The following NOS1 variants were observed in gnomAD, a reference collection of about 807,000 sequenced individuals.
NOS1 encodes the protein nitric oxide synthase 1.
A neutral mutation model predicts 164.5 loss-of-function variants in NOS1; 51 were observed. That is an observed-to-expected ratio of 0.31 (90% confidence interval 0.25 to 0.39). The LOEUF is 0.39. Ranked by LOEUF, NOS1 falls within the 10% of genes least tolerant of loss-of-function variation. NOS1 has a pLI of 1.00. For missense variants in NOS1, 1,362 were observed against 1,885.6 expected (o/e 0.72, Z 5.14); for synonymous variants, 719 against 745.8 (o/e 0.96, Z 0.59).
chr12:117,285,154 T>C (rs1874013778), intron 7 of NOS1, 87 bp downstream of exon 7: 9 of 707,610 alleles, frequency 1.3e-5, no homozygotes, highest in Non-Finnish European at 2.1e-5. Flanking sequence ...TGCATTTCCC[T>C]GGCAGGTGAG....
At position 117,330,356 on chromosome 12, in the gene NOS1, G is replaced by T; in HGVS notation, c.714C>A (p.Ile238=). 3 of 1,611,202 alleles carry T rather than the reference G, an allele frequency of 1.9e-6. No homozygotes were observed. Among genetic ancestry groups the T allele is most frequent in the Non-Finnish European group, 2.5e-6 (3 of 1,178,504 alleles). The change falls in exon 2 of 29, where the codon ATC becomes ATA. Residue 238 remains isoleucine (I), a synonymous_variant. Transcript: ENST00000317775. This position sits in a 1 kb window ranked among gnomAD's most constrained non-coding sequence, Gnocchi z 4.6. ...PAKAEMKDMG[I]QVDRDLDGKS... is the part of the protein sequence containing the mutation. ...CCTGTGGAGCTTACCTGTCCACCTGGATTCCCATATCTTTCATCTCTGCCT... is the reference window on the plus strand; with the variant it reads ...CCTGTGGAGCTTACCTGTCCACCTGTATTCCCATATCTTTCATCTCTGCCT...
chr12:117,342,031 G>A (rs561254340), intron 1 of NOS1, among the ~76,000 whole-genome samples: 16 of 152,114 alleles, frequency 1.1e-4, no homozygotes, highest in East Asian at 9.7e-4. Context: ...TATTATCAGC[G>A]GTCTCGGAAA....
At chr12:117,350,880 G>A (rs923843734) in intron 1 of NOS1, among the ~76,000 whole-genome samples, 17 of 152,176 alleles carry the variant, frequency 1.1e-4, no homozygotes, top group Non-Finnish European at 2.1e-4. Context: ...TTGGGAGGCC[G>A]AGGCGGGCGG....
chr12:117,334,581 G>T lies in NOS1; in HGVS notation c.-420-3092C>A, dbSNP rs183675435. ...TGGCTAATTTTGTATTTTTAGTAGAGATAGGGTTTTGCCATGTTGGACAGG... is the reference window on the plus strand; with the variant it reads ...TGGCTAATTTTGTATTTTTAGTAGATATAGGGTTTTGCCATGTTGGACAGG... On this transcript the variant is annotated intron_variant, in intron 1 of 28. Coordinates refer to ENST00000317775, the MANE Select transcript of NOS1 (RefSeq NM_000620.5). Among the ~76,000 whole-genome samples, 7 of 152,080 alleles carry T rather than the reference G, an allele frequency of 4.6e-5. No individual in the cohort carries two copies. The South Asian group carries it at 1.5e-3, about 32-fold the overall frequency.
intron 6 of NOS1, 46 bp downstream of exon 6, chr12:117,286,058 T>A (rs775707850): frequency 1.2e-6 from 2 of 1,604,654 alleles, no homozygotes; most frequent in Admixed American, 3.3e-5. Flanking sequence ...CCTTCCCCTC[T>A]TCCCTCATTT....
chr12:117,346,443 C>T (rs1876353230), intron 1 of NOS1, among the ~76,000 whole-genome samples: 1 of 152,168 alleles, frequency 6.6e-6, no homozygotes, highest in African/African-American at 2.4e-5. Context: ...TGCACTCCAG[C>T]CTGGACCACA....
At chr12:117,237,473 T>C (rs934003345) in intron 20 of NOS1, among the ~76,000 whole-genome samples, 2 of 151,934 alleles carry the variant, frequency 1.3e-5, no homozygotes, top group African/African-American at 4.8e-5. Flanking sequence ...ATATGGGCCA[T>C]ATGAGAAGTA....
chr12:117,299,232 G>C (rs1454968278), intron 3 of NOS1, among the ~76,000 whole-genome samples: 1 of 152,220 alleles, frequency 6.6e-6, no homozygotes, highest in Non-Finnish European at 1.5e-5. Context: ...TTAAAAAATT[G>C]CTATGTATAG....
chr12:117,339,749 T>C (rs553863463), intron 1 of NOS1, among the ~76,000 whole-genome samples: 1 of 152,334 alleles, frequency 6.6e-6, no homozygotes, highest in South Asian at 2.1e-4. Context: ...GGAATGCTCT[T>C]AAAGATACAG....
At chr12:117,240,922 A>G (rs1245142364) in intron 20 of NOS1, among the ~76,000 whole-genome samples, 5 of 151,046 alleles carry the variant, frequency 3.3e-5, no homozygotes, top group Non-Finnish European at 5.9e-5. Flanking sequence ...CTCTCCTTGT[A>G]TAAGTAATTT....
At chr12:117,284,694 T>C (rs1367717588) in intron 7 of NOS1, among the ~76,000 whole-genome samples, 3 of 152,090 alleles carry the variant, frequency 2.0e-5, no homozygotes, top group African/African-American at 4.8e-5. Flanking sequence ...TGCTGTAGTT[T>C]TGCAAACCAC....
At chr12:117,257,607 CTTTTTTTTTTTTT>C (rs151304592) in intron 16 of NOS1, among the ~76,000 whole-genome samples, 1 of 99,122 alleles carries the variant, frequency 1.0e-5, no homozygotes, top group Non-Finnish European at 1.9e-5. Context: ...TTGATTTTAG[CTTTTTTTTTTTTT>C]TTTTTTTTTT....
intron 1 of NOS1, among the ~76,000 whole-genome samples, chr12:117,335,516 C>A (rs1247871827): frequency 6.6e-6 from 1 of 152,080 alleles, no homozygotes; most frequent in East Asian, 1.9e-4. Context: ...GGGATGGCTG[C>A]CAATGAGAGG....
At chr12:117,244,046 C>G (rs1208157929) in intron 18 of NOS1, among the ~76,000 whole-genome samples, 1 of 152,214 alleles carries the variant, frequency 6.6e-6, no homozygotes, top group African/African-American at 2.4e-5. Context: ...ATTCCTAAAA[C>G]TGATGTGTGT....
intron 2 of NOS1, among the ~76,000 whole-genome samples, chr12:117,318,862 C>G (rs1234298445): frequency 6.6e-6 from 1 of 152,198 alleles, no homozygotes; most frequent in East Asian, 1.9e-4. Flanking sequence ...CTCTCTCTGA[C>G]TCCTGCTTCT....
At chr12:117,302,007 A>C in intron 3 of NOS1, 1 of 456,740 alleles carries the variant, frequency 2.2e-6, no homozygotes, top group Non-Finnish European at 4.4e-6. Context: ...TCCCATCTCC[A>C]ACACTTACTG....
chr12:117,351,968 C>T (rs1468191180), intron 1 of NOS1, among the ~76,000 whole-genome samples: 1 of 152,090 alleles, frequency 6.6e-6, no homozygotes, highest in African/African-American at 2.4e-5. Flanking sequence ...AATGCTTGAG[C>T]CCAGGAACTT....
intron 20 of NOS1, among the ~76,000 whole-genome samples, chr12:117,239,979 G>A (rs1360850902): frequency 2.6e-5 from 4 of 151,988 alleles, no homozygotes; most frequent in African/African-American, 9.7e-5. Context: ...GGGGGTGGGG[G>A]CTGATTTTGG....
At chr12:117,334,727 A>T (rs1006010740) in intron 1 of NOS1, among the ~76,000 whole-genome samples, 13 of 151,988 alleles carry the variant, frequency 8.6e-5, no homozygotes, top group Admixed American at 2.6e-4. Context: ...ATTCCACAAC[A>T]CTTTCTCTGC....
Sources: gnomAD v4.1 joint callset for allele counts (sites outside exome capture counted in the v4.1 genomes callset) on GRCh38, gnomAD v4.1.1 for gene constraint, Gnocchi (gnomAD v3.1) non-coding constraint, MANE v1.5 for transcripts, NCBI Gene and HGNC (gene_info 2026-07-23, HGNC 2026-07-21) for gene names.